The following PHLDB1 variants were observed in gnomAD, a reference collection of about 807,000 sequenced individuals.
The protein encoded by PHLDB1 is pleckstrin homology-like domain family B member 1.
A neutral mutation model predicts 139.3 loss-of-function variants in PHLDB1; 65 were observed. The ratio of observed to expected loss-of-function variants is 0.47; its 90% confidence interval spans 0.38 to 0.57. The LOEUF is 0.57. PHLDB1 is among the 20% of genes least tolerant of loss of function. PHLDB1 has a pLI of 0.00. For missense variants in PHLDB1, 1,624 were observed against 1,839.7 expected, an observed-to-expected ratio of 0.88 and a Z score of 2.14; for synonymous variants, 679 against 734.5, an observed-to-expected ratio of 0.92 and a Z score of 1.22.
In PHLDB1 at chr11:118,655,706, C is replaced by T; in HGVS notation, c.3960+16C>T. The T allele has an allele frequency of 6.3e-7, 1 of 1,594,104 alleles. No homozygotes were observed. The highest frequency in any genetic ancestry group is 8.6e-7 in the Non-Finnish European group (1 of 1,162,604). ...TGCAGCCAAGGTCAGGGGTGGAGGG[C>T]ACCAGAGGGGGGCCAGAGGGACAGC... is the stretch of plus-strand genomic sequence containing the variant. On this transcript the variant is annotated intron_variant, in intron 21 of 22. Transcript: ENST00000600882.
In PHLDB1 at chr11:118,650,739, T is replaced by G. The variant is rs1948224982; in HGVS notation, c.3874+192T>G. The G allele has an allele frequency of 3.4e-6, 2 of 595,194 alleles. No homozygotes were observed. Among genetic ancestry groups the G allele is most frequent in the Non-Finnish European group, 6.0e-6 (2 of 333,526 alleles). 36.9% of individuals were successfully genotyped at this position (595,194 alleles called of 1,614,324 possible). A position where few individuals can be genotyped will look rare whatever the true frequency, so the allele number is the denominator to read the frequency against. On this transcript the variant is annotated intron_variant, in intron 20 of 22. Transcript: ENST00000600882. The surrounding 1 kb of genome is among the most constrained non-coding windows in gnomAD (Gnocchi z 4.7). Reference sequence around the variant, plus strand: ...CTCCATTTTTGTGTTCATTCATTCATTCCTTCATTCAGCAATGTTACTAAG... The same window carrying G: ...CTCCATTTTTGTGTTCATTCATTCAGTCCTTCATTCAGCAATGTTACTAAG...
chr11:118,648,197 G>C (rs1191032481), intron 18 of PHLDB1, 121 bp downstream of exon 18: 2 of 1,026,834 alleles, frequency 1.9e-6, no homozygotes, highest in Non-Finnish European at 1.4e-6. Flanking sequence ...AAAGATTGCT[G>C]TTGGCTTAAT....
At chr11:118,655,351 T>G in intron 20 of PHLDB1, 1 of 363,074 alleles carries the variant, frequency 2.8e-6, no homozygotes. Context: ...ATTTGTTGTA[T>G]GTTTTTGTCA....
intron 12 of PHLDB1, chr11:118,641,682 C>T (rs782017365): frequency 5.4e-6 from 7 of 1,289,262 alleles, no homozygotes; most frequent in Middle Eastern, 2.1e-4. Context: ...CTGTGCCAGG[C>T]CTTTCTCCCT....
rs1947337654 is a variant in PHLDB1, at chr11:118,645,535, C to T, written c.3301C>T (p.Arg1101Cys). ...ACACCACCTGCCTGCGGGGCGGGAG[C>T]GTGGGGAGGAGGGTGAGCACGCCTA... ...ILHHLPAGRE[R>C]GEEGEHAYDT... The change falls in exon 16 of 23, where the codon CGT becomes TGT. Residue 1101 changes from arginine to cysteine, a missense_variant. Physicochemically the swap from Arg to Cys is radical, Grantham distance 180. Transcript: ENST00000600882. The surrounding 1 kb of genome is among the most constrained non-coding windows in gnomAD (Gnocchi z 5.1). 4 of 1,612,828 alleles carry T rather than the reference C, an allele frequency of 2.5e-6. No homozygotes were observed. The highest frequency in any genetic ancestry group is 3.4e-6 in the Non-Finnish European group (4 of 1,179,482).
chr11:118,635,000 C>T (rs1555114130), intron 9 of PHLDB1: 2 of 469,590 alleles, frequency 4.3e-6, no homozygotes, highest in Admixed American at 4.7e-5. Flanking sequence ...AGACGCAGCT[C>T]GATAACTGCC....
chr11:118,650,608 A>T lies in PHLDB1; in HGVS notation c.3874+61A>T. ...GGATCCCTGGGCTCTGTTACCCAGG[A>T]CGGCTGGTCTTCTAGAAGGAGGCCA... On this transcript the variant is annotated intron_variant, in intron 20 of 22. Coordinates refer to ENST00000600882, the MANE Select transcript of PHLDB1 (RefSeq NM_001144758.3). This position sits in a 1 kb window ranked among gnomAD's most constrained non-coding sequence, Gnocchi z 4.7. 5 of 1,186,296 alleles carry T rather than the reference A, an allele frequency of 4.2e-6. No homozygotes were observed. The allele number at this position is 1,186,296 out of a possible 1,614,324, so 73.5% of individuals were successfully genotyped here.
chr11:118,649,673 C>T (rs1948078093), intron 18 of PHLDB1, among the ~76,000 whole-genome samples: 2 of 152,062 alleles, frequency 1.3e-5, no homozygotes, highest in Non-Finnish European at 2.9e-5. Context: ...AACTGAGGCC[C>T]AGAGAAGGGA....
In PHLDB1 at chr11:118,631,897, C is replaced by T; in HGVS notation, c.2101-16C>T. ...GGCTCTAGGCTTCCTCAGTTGATAGCTTCCCTCCCCTCCAGCACGAAGATG... is the reference window on the plus strand; with the variant it reads ...GGCTCTAGGCTTCCTCAGTTGATAGTTTCCCTCCCCTCCAGCACGAAGATG... On this transcript the variant is annotated splice_polypyrimidine_tract_variant and intron_variant, in intron 7 of 22. Coordinates refer to ENST00000600882, the MANE Select transcript of PHLDB1 (RefSeq NM_001144758.3). 1 of 1,596,588 alleles carries T rather than the reference C, an allele frequency of 6.3e-7. No individual in the cohort carries two copies. Among genetic ancestry groups the T allele is most frequent in the Non-Finnish European group, 8.5e-7 (1 of 1,172,950 alleles).
Position 118,645,285 on chromosome 11 carries a change from T to G in PHLDB1, c.3122-71T>G. On this transcript the variant is annotated intron_variant, in intron 15 of 22. Transcript: ENST00000600882. The surrounding 1 kb of genome is among the most constrained non-coding windows in gnomAD (Gnocchi z 5.1). Reference sequence around the variant, plus strand: ...CCCTGCTTGCCCCTCCCTCTGTGTGTTGTGCTGCCAGTGGCCTGCTCCTTA... The same window carrying G: ...CCCTGCTTGCCCCTCCCTCTGTGTGGTGTGCTGCCAGTGGCCTGCTCCTTA... 1 of 1,222,414 alleles carries G rather than the reference T, an allele frequency of 8.2e-7. No individual in the cohort carries two copies. Among genetic ancestry groups the G allele is most frequent in the Non-Finnish European group, 1.1e-6 (1 of 885,334 alleles). 75.7% of individuals were successfully genotyped at this position (1,222,414 alleles called of 1,614,324 possible).
Position 118,650,180 on chromosome 11 carries a change from T to A in PHLDB1, c.3758T>A (p.Val1253Glu). 1 of 1,612,656 alleles carries A rather than the reference T, an allele frequency of 6.2e-7. No homozygotes were observed. The highest frequency in any genetic ancestry group is 8.5e-7 in the Non-Finnish European group (1 of 1,178,648). Residue 1253 changes from valine (V) to glutamate (E), a missense_variant, in exon 19 of 23, where the codon GTG becomes GAG. Val to Glu is a moderately radical substitution (Grantham distance 121, BLOSUM62 -2). Coordinates refer to ENST00000600882, the MANE Select transcript of PHLDB1 (RefSeq NM_001144758.3). The surrounding 1 kb of genome is among the most constrained non-coding windows in gnomAD (Gnocchi z 4.7). ...GHGVDTCLHV[V>E]LSSKVCRGYL... Reference sequence around the variant, plus strand: ...GGTGTTGATACCTGCCTGCACGTGGTGCTCAGCAGCAAGGTACAAGGCGTG... The same window carrying A: ...GGTGTTGATACCTGCCTGCACGTGGAGCTCAGCAGCAAGGTACAAGGCGTG...
Position 118,610,903 on chromosome 11 carries a change from C to CT in PHLDB1, c.-21-2912dup, listed in dbSNP as rs1304382014. Among the ~76,000 whole-genome samples the CT allele has an allele frequency of 4.6e-5, 7 of 152,226 alleles. No homozygotes were observed. Among genetic ancestry groups the CT allele is most frequent in the Non-Finnish European group, 1.0e-4 (7 of 68,022 alleles). On this transcript the variant is annotated intron_variant, in intron 1 of 22. Transcript: ENST00000600882. This position sits in a 1 kb window ranked among gnomAD's most constrained non-coding sequence, Gnocchi z 8.7. The stretch of plus-strand genomic sequence containing the variant: ...CCTGTCGCTCGTCAAATCCAGACAC[C>CT]TGGGCCTCCGCCACTCGGCTGCCGG...
At position 118,635,455 on chromosome 11, in the gene PHLDB1, G is replaced by A; in HGVS notation, c.2442G>A (p.Glu814=). The A allele has an allele frequency of 1.9e-6, 3 of 1,612,316 alleles. No individual in the cohort carries two copies. The highest frequency in any genetic ancestry group is 2.5e-6 in the Non-Finnish European group (3 of 1,179,366). ...AGGACTTGGAGTTCCAGCAGTTGGA[G>A]CGGGAGAGCCGCGTGGAGGAGGAGC... ...LFEDLEFQQL[E]RESRVEEERE... The change falls in exon 10 of 23, where the codon GAG becomes GAA. Residue 814 remains glutamate, a synonymous_variant. Coordinates refer to ENST00000600882, the MANE Select transcript of PHLDB1 (RefSeq NM_001144758.3).
At chr11:118,624,882 T>C in intron 4 of PHLDB1, 52 bp from the exon 5 acceptor site, 1 of 1,598,806 alleles carries the variant, frequency 6.3e-7, no homozygotes, top group Non-Finnish European at 8.6e-7. Context: ...AGTGTTGGGA[T>C]TACAGGTGTG....
rs368525764 is a variant in PHLDB1, at chr11:118,628,385, C to A, written c.1562C>A (p.Pro521His). The change falls in exon 6 of 23, where the codon CCC becomes CAC. Residue 521 changes from proline to histidine, a missense_variant. By Grantham distance (77) the Pro-to-His change is moderately conservative. Coordinates refer to ENST00000600882, the MANE Select transcript of PHLDB1 (RefSeq NM_001144758.3). The part of the protein sequence containing the change: ...ARGRRTRSPS[P>H]TLGESLAPHK... ...GGCCGTAGGACACGGAGCCCCTCAC[C>A]CACACTGGGTGAGTCTCTGGCACCC... 41 of 1,610,886 alleles carry A rather than the reference C, an allele frequency of 2.5e-5. No homozygotes were observed. The highest frequency in any genetic ancestry group is 3.3e-5 in the Non-Finnish European group (39 of 1,178,820).
chr11:118,626,756 C>T (rs1943950248), intron 5 of PHLDB1, among the ~76,000 whole-genome samples: 2 of 151,242 alleles, frequency 1.3e-5, no homozygotes, highest in South Asian at 4.2e-4. Context: ...TGGGTTCAAG[C>T]GATTCTCATA....
In PHLDB1 at chr11:118,655,842, T is replaced by C; in HGVS notation, c.3961-18T>C. Reference sequence around the variant, plus strand: ...TCTTTGTCAACTTTCTCTTCCTTTCTCCCTCTCCCCTTCCCAGAAGAGGTT... The same window carrying C: ...TCTTTGTCAACTTTCTCTTCCTTTCCCCCTCTCCCCTTCCCAGAAGAGGTT... On this transcript the variant is annotated intron_variant, in intron 21 of 22. Transcript: ENST00000600882. The C allele has an allele frequency of 2.5e-6, 4 of 1,608,898 alleles. No homozygotes were observed. The highest frequency in any genetic ancestry group is 3.4e-6 in the Non-Finnish European group (4 of 1,175,272).
chr11:118,632,991 C>CT lies in PHLDB1; in HGVS notation c.2379+710dup, dbSNP rs67219463. 1,920 of 178,808 alleles carry CT rather than the reference C, an allele frequency of 0.011. 8 individuals are homozygous for CT. Among genetic ancestry groups the CT allele is most frequent in the African/African-American group, 0.018 (688 of 38,830 alleles). The allele number at this position is 178,808 out of a possible 1,614,324, so 11.1% of individuals were successfully genotyped here. On this transcript the variant is annotated intron_variant, in intron 9 of 22. Transcript: ENST00000600882. This position sits in a 1 kb window ranked among gnomAD's most constrained non-coding sequence, Gnocchi z 5.9. ...TGAGAATCTTAAAAATTCTTTGACCCTTTTTTTTTTTTTTTGGAGCTTTGG... is the reference window on the plus strand; with the variant it reads ...TGAGAATCTTAAAAATTCTTTGACCCTTTTTTTTTTTTTTTTGGAGCTTTGG...
rs781997299 is a variant in PHLDB1, at chr11:118,645,635, C to G, written c.3401C>G (p.Pro1134Arg). 7 of 1,613,176 alleles carry G rather than the reference C, an allele frequency of 4.3e-6. No homozygotes were observed. The highest frequency in any genetic ancestry group is 5.9e-6 in the Non-Finnish European group (7 of 1,179,312). Reference protein sequence around the residue: ...ISTGGNSACSPDNMSSASGLD... With the variant: ...ISTGGNSACSRDNMSSASGLD... ...ACCGGGGGCAACTCGGCCTGCTCCC[C>G]TGACAACATGTCCAGGTACACCCGA... The change falls in exon 16 of 23, where the codon CCT (proline) becomes CGT (arginine). Residue 1134 changes from proline (P) to arginine (R), a missense_variant. Coordinates refer to ENST00000600882, the MANE Select transcript of PHLDB1 (RefSeq NM_001144758.3). This position sits in a 1 kb window ranked among gnomAD's most constrained non-coding sequence, Gnocchi z 5.1.
Sources: allele counts gnomAD v4.1 joint callset (sites outside exome capture counted in the v4.1 genomes callset), GRCh38; gene constraint gnomAD v4.1.1; non-coding constraint Gnocchi (gnomAD v3.1); transcripts MANE v1.5; gene names NCBI Gene and HGNC (gene_info 2026-07-23, HGNC 2026-07-21).